The following BPTF variants were observed in gnomAD, a reference collection of about 807,000 sequenced individuals.
The protein encoded by BPTF is bromodomain PHD finger transcription factor, also known as nucleosome-remodeling factor subunit BPTF.
BPTF carries 18 observed loss-of-function variants against 292.5 expected under a neutral mutation model. The ratio of observed to expected loss-of-function variants is 0.06; its 90% CI spans 0.04 to 0.09. The LOEUF (loss-of-function observed/expected upper bound fraction) is 0.09. Among genes scored for constraint, BPTF ranks in the 10% least tolerant of loss-of-function variants. The pLI, the probability that BPTF is intolerant of heterozygous loss-of-function variation, is 1.00. For missense variants in BPTF, 2,726 were observed against 3,498.7 expected, an observed-to-expected ratio of 0.78 and a Z score of 5.57; for synonymous variants, 1,225 against 1,251.9, an observed-to-expected ratio of 0.98 and a Z score of 0.45.
chr17:67,980,394 A>G (rs2070199022), intron 27 of BPTF, among the ~76,000 whole-genome samples: 1 of 152,246 alleles, frequency 6.6e-6, no homozygotes, highest in Non-Finnish European at 1.5e-5. Context: ...GGGATTGATC[A>G]TAGGGAGCCT....
At chr17:67,944,688 G>A (rs2065660457) in intron 20 of BPTF, 1 of 360,732 alleles carries the variant, frequency 2.8e-6, no homozygotes, top group Non-Finnish European at 5.2e-6. Flanking sequence ...AGTCATGGAG[G>A]TGATCTCAGG....
chr17:67,941,460 C>A (rs925577410), intron 19 of BPTF, among the ~76,000 whole-genome samples: 28 of 151,992 alleles, frequency 1.8e-4, no homozygotes, highest in Non-Finnish European at 2.9e-4. Flanking sequence ...CTAAAAAAAA[C>A]CAAAAAACTT....
chr17:67,848,268 C>A (rs1407197874), intron 1 of BPTF, among the ~76,000 whole-genome samples: 1 of 152,146 alleles, frequency 6.6e-6, no homozygotes, highest in Non-Finnish European at 1.5e-5. Flanking sequence ...TTTACCCCTG[C>A]ATCTCTGCCC....
intron 7 of BPTF, 66 bp downstream of exon 7, chr17:67,894,231 A>G: frequency 2.0e-6 from 3 of 1,501,080 alleles, no homozygotes; most frequent in Non-Finnish European, 2.7e-6. Context: ...TAGCCTATTA[A>G]TAATGAAAGT....
At chr17:67,907,745 A>G (rs1460047195) in intron 9 of BPTF, among the ~76,000 whole-genome samples, 3 of 152,194 alleles carry the variant, frequency 2.0e-5, no homozygotes, top group South Asian at 2.1e-4. Flanking sequence ...ATGTTTCACC[A>G]GAAGTTCAAT....
chr17:67,841,291 C>A (rs1234022845), intron 1 of BPTF, among the ~76,000 whole-genome samples: 1 of 152,070 alleles, frequency 6.6e-6, no homozygotes, highest in Non-Finnish European at 1.5e-5. Context: ...TGCCTGTAAT[C>A]CCAGCTACTC....
At chr17:67,851,176 T>C (rs571794734) in intron 1 of BPTF, among the ~76,000 whole-genome samples, 1 of 152,206 alleles carries the variant, frequency 6.6e-6, no homozygotes, top group East Asian at 1.9e-4. Flanking sequence ...TAGCTCTTTT[T>C]GTAACGAGTT....
chr17:67,970,986 G>T (rs989634963), intron 26 of BPTF, among the ~76,000 whole-genome samples: 1 of 152,242 alleles, frequency 6.6e-6, no homozygotes, highest in South Asian at 2.1e-4. Context: ...TGCCCAGGCT[G>T]GAGTGCAGTG....
chr17:67,886,585 C>A (rs1164293210), intron 4 of BPTF, among the ~76,000 whole-genome samples: 1 of 152,032 alleles, frequency 6.6e-6, no homozygotes, highest in Non-Finnish European at 1.5e-5. Flanking sequence ...ATACTCCCCT[C>A]CCCAAAGGTA....
chr17:67,880,990 TTACA>T (rs2060365414), intron 4 of BPTF, among the ~76,000 whole-genome samples: 1 of 151,722 alleles, frequency 6.6e-6, no homozygotes, highest in Non-Finnish European at 1.5e-5. Flanking sequence ...CGTATATATA[TTACA>T]TATATATATT....
chr17:67,938,626 G>A (rs186296364), intron 18 of BPTF, among the ~76,000 whole-genome samples: 1 of 152,264 alleles, frequency 6.6e-6, no homozygotes, highest in Non-Finnish European at 1.5e-5. Flanking sequence ...ATAGTTTGGG[G>A]GGAAAATAGA....
In BPTF at chr17:67,907,256, A is replaced by ATT. The variant is rs10706190; in HGVS notation, c.2813-2311_2813-2310dup. ...CAGTAGTTCTGTTTTGGGAGGCTTG[A>ATT]TTTTTTTTTTTTTTTTGTAATTATT... On this transcript the variant is annotated intron_variant, in intron 9 of 27. Coordinates refer to ENST00000306378, the MANE Select transcript of BPTF (RefSeq NM_182641.4). Among the ~76,000 whole-genome samples the ATT allele has an allele frequency of 3.6e-3, 479 of 133,134 alleles. 3 individuals carry two copies. Among genetic ancestry groups the ATT allele is most frequent in the African/African-American group, 0.012 (431 of 36,234 alleles). 87.3% of individuals were successfully genotyped at this position (133,134 alleles called of 152,430 possible). A position where few individuals can be genotyped will look rare whatever the true frequency, so the allele number is the denominator to read the frequency against.
chr17:67,887,869 TTA>T (rs1262459992), intron 4 of BPTF, among the ~76,000 whole-genome samples: 2 of 152,218 alleles, frequency 1.3e-5, no homozygotes, highest in East Asian at 3.8e-4. Flanking sequence ...CAATTTGTAT[TTA>T]TATGTTTCCA....
intron 23 of BPTF, chr17:67,951,696 T>C (rs1335682204): frequency 2.0e-5 from 3 of 152,212 alleles, no homozygotes; most frequent in Admixed American, 2.0e-4. Context: ...ATTACTTTAA[T>C]GTATGTATTC....
intron 1 of BPTF, among the ~76,000 whole-genome samples, chr17:67,853,246 C>G (rs941370098): frequency 2.6e-5 from 4 of 152,206 alleles, no homozygotes; most frequent in African/African-American, 9.6e-5. Flanking sequence ...GAACAGGTAT[C>G]TAAAAAGTTG....
intron 11 of BPTF, among the ~76,000 whole-genome samples, chr17:67,917,305 A>G (rs987338569): frequency 1.3e-5 from 2 of 151,444 alleles, no homozygotes; most frequent in African/African-American, 4.9e-5. Context: ...GCTTAGTTTT[A>G]GTAGAGATGG....
intron 24 of BPTF, among the ~76,000 whole-genome samples, chr17:67,962,898 A>G (rs1161177485): frequency 6.6e-6 from 1 of 152,342 alleles, no homozygotes; most frequent in Non-Finnish European, 1.5e-5. Flanking sequence ...TGTGAGATAC[A>G]TTTTCAAACC....
chr17:67,861,554 G>C (rs183091451), intron 2 of BPTF, among the ~76,000 whole-genome samples: 1 of 152,064 alleles, frequency 6.6e-6, no homozygotes, highest in Admixed American at 6.6e-5. Flanking sequence ...GACCTCAGGT[G>C]ATCAGCCCAC....
intron 27 of BPTF, chr17:67,981,565 A>C (rs1251449745): frequency 8.4e-6 from 9 of 1,072,608 alleles, no homozygotes; most frequent in Non-Finnish European, 1.0e-5. Context: ...AGTTAATATA[A>C]TTTTTTAATG....
Sources: allele counts gnomAD v4.1 joint callset (sites outside exome capture counted in the v4.1 genomes callset), GRCh38; gene constraint gnomAD v4.1.1; transcripts MANE v1.5; gene names NCBI Gene and HGNC (gene_info 2026-07-23, HGNC 2026-07-21).